SLC14A2: variants seen among roughly 807,000 people sequenced by gnomAD.
SLC14A2 encodes the protein solute carrier family 14 member 2.
SLC14A2 carries 91 observed loss-of-function variants against 104.6 expected under a neutral mutation model. The observed-to-expected ratio is 0.87, with a 90% CI of 0.73 to 1.04. The LOEUF (loss-of-function observed/expected upper bound fraction) is 1.04. Ranked by LOEUF, SLC14A2 falls within the 50% of genes least tolerant of loss-of-function variation. The probability of loss-of-function intolerance (pLI) is 0.00; values close to 1 mark genes in which losing one functional copy is unlikely to be tolerated. For missense variants in SLC14A2, 1,189 were observed against 1,156.0 expected (o/e 1.03, Z -0.41); for synonymous variants, 476 against 466.4 (o/e 1.02, Z -0.27).
chr18:45,450,066 C>T (rs551991224), intron 1 of SLC14A2, among the ~76,000 whole-genome samples: 1 of 152,194 alleles, frequency 6.6e-6, no homozygotes, highest in African/African-American at 2.4e-5. Context: ...TTCTATGAAC[C>T]ATTTATATAT....
At chr18:45,280,248 C>T (rs1019135539) in intron 1 of SLC14A2, among the ~76,000 whole-genome samples, 8 of 152,168 alleles carry the variant, frequency 5.3e-5, no homozygotes, top group East Asian at 1.9e-4. Flanking sequence ...GAGCTAAGGG[C>T]GCCGCTGATG....
intron 1 of SLC14A2, among the ~76,000 whole-genome samples, chr18:45,227,005 G>A (rs1052121185): frequency 6.6e-6 from 1 of 152,120 alleles, no homozygotes; most frequent in Non-Finnish European, 1.5e-5. Flanking sequence ...TCACAAGAAG[G>A]CTGTGCACCT....
chr18:45,324,490 AC>A (rs1247339055), intron 1 of SLC14A2, among the ~76,000 whole-genome samples: 2 of 151,938 alleles, frequency 1.3e-5, no homozygotes, highest in Non-Finnish European at 2.9e-5. Flanking sequence ...TCCTGGCCTC[AC>A]CCCATCACCT....
At chr18:45,183,677 T>C in the SLC14A2 span, among the ~76,000 whole-genome samples, 1 of 151,830 alleles carries the variant, frequency 6.6e-6, no homozygotes, top group Non-Finnish European at 1.5e-5. Context: ...CTGTCTTTCT[T>C]TCTTTCTCTC....
At chr18:45,193,979 G>C in the SLC14A2 span, among the ~76,000 whole-genome samples, 1 of 151,870 alleles carries the variant, frequency 6.6e-6, no homozygotes, top group Non-Finnish European at 1.5e-5. Context: ...GTTATAAATG[G>C]CATTTCCTAA....
At chr18:45,566,818 A>T (rs957325382) in intron 2 of SLC14A2, among the ~76,000 whole-genome samples, 1 of 152,208 alleles carries the variant, frequency 6.6e-6, no homozygotes, top group African/African-American at 2.4e-5. Context: ...CTTTGCTCAG[A>T]AGGACAGATT....
rs149118562 is a variant in SLC14A2 at position 45,644,400 on chromosome 18, G to A, written c.1351+240G>A. Reference sequence around the variant, plus strand: ...ATGTTGGTATTACAGTAAAATTTCCGGAGTTAGCAATAAGGTGTGTGTCTT... The same window carrying A: ...ATGTTGGTATTACAGTAAAATTTCCAGAGTTAGCAATAAGGTGTGTGTCTT... On this transcript the variant is annotated intron_variant, in intron 10 of 19. Coordinates refer to ENST00000255226, the MANE Select transcript of SLC14A2 (RefSeq NM_007163.4). 7.0e-4 allele frequency: 292 copies of A among 418,378 alleles called. No homozygotes were observed. In the East Asian group the frequency reaches 8.2e-3, roughly 12 times the overall value. The allele number at this position is 418,378 out of a possible 1,614,324, so 25.9% of individuals were successfully genotyped here.
chr18:45,365,207 G>C (rs2085654676), intron 1 of SLC14A2, among the ~76,000 whole-genome samples: 1 of 152,236 alleles, frequency 6.6e-6, no homozygotes, highest in East Asian at 1.9e-4. Context: ...TACAGAGCTA[G>C]AGTTAGAAAT....
At chr18:45,535,461 G>C (rs1215498199) in intron 2 of SLC14A2, among the ~76,000 whole-genome samples, 1 of 152,142 alleles carries the variant, frequency 6.6e-6, no homozygotes, top group Non-Finnish European at 1.5e-5. Context: ...CGTTCTTATT[G>C]AATTGTTCCG....
At chr18:45,450,458 G>A (rs576366767) in intron 1 of SLC14A2, among the ~76,000 whole-genome samples, 1 of 152,310 alleles carries the variant, frequency 6.6e-6, no homozygotes, top group South Asian at 2.1e-4. Context: ...CAGCAGGGAT[G>A]GGAGAGGGGT....
chr18:45,604,304 C>T (rs1401459561), intron 2 of SLC14A2, among the ~76,000 whole-genome samples: 1 of 152,184 alleles, frequency 6.6e-6, no homozygotes, highest in Non-Finnish European at 1.5e-5. Flanking sequence ...CATTCACCAT[C>T]ATGTGGAGGC....
At chr18:45,576,734 G>A (rs563474771) in intron 2 of SLC14A2, among the ~76,000 whole-genome samples, 6 of 152,188 alleles carry the variant, frequency 3.9e-5, no homozygotes, top group African/African-American at 1.2e-4. Flanking sequence ...AATTTAGCCC[G>A]CATTATTCAG....
intron 2 of SLC14A2, among the ~76,000 whole-genome samples, chr18:45,598,787 C>G (rs1480418617): frequency 6.6e-6 from 1 of 152,206 alleles, no homozygotes; most frequent in Non-Finnish European, 1.5e-5. Context: ...CCCTCCACCA[C>G]TCAAGGCTCC....
chr18:45,628,016 A>AG (rs1429419087), intron 4 of SLC14A2, among the ~76,000 whole-genome samples: 5 of 148,310 alleles, frequency 3.4e-5, no homozygotes, highest in Admixed American at 1.3e-4. Context: ...AAAAAAAAAA[A>AG]AAAAGAAAAG....
intron 10 of SLC14A2, among the ~76,000 whole-genome samples, chr18:45,644,983 A>G (rs1035858247): frequency 2.0e-5 from 3 of 152,176 alleles, no homozygotes; most frequent in African/African-American, 7.2e-5. Context: ...CCCCACGTGC[A>G]TTAGGTAGTT....
chr18:45,224,720 A>G (rs568519972), intron 1 of SLC14A2, among the ~76,000 whole-genome samples: 1 of 152,344 alleles, frequency 6.6e-6, no homozygotes, highest in African/African-American at 2.4e-5. Context: ...TAAGGAAAAC[A>G]AAGTTGTGGA....
upstream of SLC14A2, chr18:45,212,914 G>T (rs774399752): frequency 6.6e-6 from 1 of 152,288 alleles, no homozygotes; most frequent in Non-Finnish European, 1.5e-5. Flanking sequence ...GTGTCCTGGC[G>T]CCATCTAGTG....
chr18:45,229,063 A>G (rs1599591484), intron 1 of SLC14A2, among the ~76,000 whole-genome samples: 1 of 152,186 alleles, frequency 6.6e-6, no homozygotes, highest in East Asian at 1.9e-4. Context: ...TTCGTTTACC[A>G]TGTGTATGTT....
At chr18:45,308,612 C>T (rs563767360) in intron 1 of SLC14A2, among the ~76,000 whole-genome samples, 52 of 152,292 alleles carry the variant, frequency 3.4e-4, no homozygotes, top group Non-Finnish European at 5.7e-4. Flanking sequence ...TGCCTGTGTC[C>T]TGGCATCTGG....
Sources: allele counts gnomAD v4.1 joint callset (sites outside exome capture counted in the v4.1 genomes callset), GRCh38; gene constraint gnomAD v4.1.1; transcripts MANE v1.5; gene names NCBI Gene and HGNC (gene_info 2026-07-23, HGNC 2026-07-21).